The following MGLL variants were observed in gnomAD, a reference collection of about 807,000 sequenced individuals.
MGLL encodes the protein lysophospholipase homolog.
MGLL carries 7 observed loss-of-function variants against 29.1 expected under a neutral mutation model. The ratio of observed to expected loss-of-function variants is 0.24; its 90% confidence interval spans 0.14 to 0.45. The LOEUF is 0.45. Ranked by LOEUF, MGLL falls within the 20% of genes least tolerant of loss-of-function variation. The probability of loss-of-function intolerance (pLI) is 0.99; values close to 1 mark genes in which losing one functional copy is unlikely to be tolerated. For missense variants in MGLL, 356 were observed against 413.6 expected (o/e 0.86, Z 1.21); for synonymous variants, 148 against 168.3 (o/e 0.88, Z 0.93).
chr3:127,733,104 A>G (rs968063610), intron 3 of MGLL, among the ~76,000 whole-genome samples: 4 of 152,182 alleles, frequency 2.6e-5, no homozygotes, highest in African/African-American at 9.7e-5. Flanking sequence ...TACAGGCCAT[A>G]AAGACCTTGC....
intron 3 of MGLL, among the ~76,000 whole-genome samples, chr3:127,766,007 C>T (rs1162906981): frequency 6.6e-6 from 1 of 152,134 alleles, no homozygotes; most frequent in African/African-American, 2.4e-5. Flanking sequence ...TTAATCTTCG[C>T]CAGGTAGATA....
chr3:127,787,402 C>G lies in MGLL; in HGVS notation c.156-5507G>C, dbSNP rs563938569. 7.9e-5 allele frequency among the ~76,000 whole-genome samples: 12 copies of G among 152,304 alleles called. 1 individual carries two copies. The South Asian group carries it at 2.1e-3, about 26-fold the overall frequency. On this transcript the variant is annotated intron_variant, in intron 2 of 7. Coordinates refer to ENST00000265052, the MANE Select transcript of MGLL (RefSeq NM_007283.7). ...GCCAAGAGAATTAAACGGACAGTCC[C>G]CTAGAGCACGTGGAACGGCTGGCAG...
At chr3:127,757,974 T>C (rs976856066) in intron 3 of MGLL, among the ~76,000 whole-genome samples, 3 of 152,176 alleles carry the variant, frequency 2.0e-5, no homozygotes, top group African/African-American at 7.2e-5. Flanking sequence ...TCTGTTCCTG[T>C]TTTATAGAGG....
rs750799501 is a variant in MGLL, at chr3:127,761,601, G to A, written c.262+20188C>T. 2.6e-5 allele frequency among the ~76,000 whole-genome samples: 4 copies of A among 152,226 alleles called. No homozygotes were observed. Reference sequence around the variant, plus strand: ...TCCACGTGTTCCCCTAAGCGACTGGGCTACACCAGTCCACCACAAAGGTAC... The same window carrying A: ...TCCACGTGTTCCCCTAAGCGACTGGACTACACCAGTCCACCACAAAGGTAC... On this transcript the variant is annotated intron_variant, in intron 3 of 7. Coordinates refer to ENST00000265052, the MANE Select transcript of MGLL (RefSeq NM_007283.7). The surrounding 1 kb of genome is among the most constrained non-coding windows in gnomAD (Gnocchi z 4.6).
intron 2 of MGLL, among the ~76,000 whole-genome samples, chr3:127,803,192 C>A (rs1282244737): frequency 3.3e-5 from 5 of 152,168 alleles, no homozygotes; most frequent in African/African-American, 4.8e-5. Context: ...GTTGGCCAGG[C>A]TGGTCTCGAA....
intron 2 of MGLL, among the ~76,000 whole-genome samples, chr3:127,813,601 G>A (rs1044275511): frequency 3.3e-5 from 5 of 152,164 alleles, no homozygotes; most frequent in Admixed American, 6.5e-5. Context: ...CAGAAGCAAC[G>A]TGTGATCAGG....
intron 2 of MGLL, among the ~76,000 whole-genome samples, chr3:127,798,456 C>T (rs1436280094): frequency 6.6e-6 from 1 of 152,176 alleles, no homozygotes; most frequent in Non-Finnish European, 1.5e-5. Flanking sequence ...GTGGCCCCTG[C>T]CTGTCCTCTT....
intron 5 of MGLL, chr3:127,713,836 C>A (rs1183938743): frequency 6.6e-6 from 1 of 152,296 alleles, no homozygotes; most frequent in Admixed American, 6.5e-5. Context: ...AAGGCCTCTA[C>A]TTCCAGGCTC....
chr3:127,697,143 C>T (rs903440432), intron 6 of MGLL, among the ~76,000 whole-genome samples: 2 of 152,174 alleles, frequency 1.3e-5, no homozygotes, highest in African/African-American at 2.4e-5. Context: ...TGAGAGGACA[C>T]GGGACTGGCA....
chr3:127,736,109 G>T (rs754124855), intron 3 of MGLL: 84 of 1,166,060 alleles, frequency 7.2e-5, no homozygotes, highest in Non-Finnish European at 8.8e-5. Context: ...TAGTTCCATT[G>T]TTTGGAGCTC....
At chr3:127,704,720 T>G (rs546580582) in intron 6 of MGLL, among the ~76,000 whole-genome samples, 10 of 152,118 alleles carry the variant, frequency 6.6e-5, no homozygotes, top group Non-Finnish European at 1.5e-4. Flanking sequence ...AGAATGGTGA[T>G]CATTAAAAAG....
chr3:127,702,692 C>CTGTT (rs748870704), intron 6 of MGLL, among the ~76,000 whole-genome samples: 14 of 152,212 alleles, frequency 9.2e-5, no homozygotes, highest in African/African-American at 3.1e-4. Flanking sequence ...ATCCTGGCAT[C>CTGTT]TGTTTGTTTG....
intron 3 of MGLL, among the ~76,000 whole-genome samples, chr3:127,778,141 T>G (rs775206059): frequency 1.3e-5 from 2 of 152,236 alleles, no homozygotes; most frequent in African/African-American, 2.4e-5. Flanking sequence ...CCCATGGTAG[T>G]AAAATCAGTT....
intron 5 of MGLL, chr3:127,713,329 G>A (rs1415596362): frequency 6.6e-6 from 1 of 152,222 alleles, no homozygotes; most frequent in Non-Finnish European, 1.5e-5. Flanking sequence ...AGGAGACATG[G>A]GGCTGCCAGC....
intron 3 of MGLL, among the ~76,000 whole-genome samples, chr3:127,771,193 A>C (rs2076941873): frequency 1.3e-5 from 2 of 152,058 alleles, no homozygotes; most frequent in African/African-American, 2.4e-5. Context: ...TTACCCTCCC[A>C]ATCCTGCCTC....
At chr3:127,811,670 T>G (rs1239509379) in intron 2 of MGLL, among the ~76,000 whole-genome samples, 1 of 152,222 alleles carries the variant, frequency 6.6e-6, no homozygotes, top group Non-Finnish European at 1.5e-5. Flanking sequence ...TCAAAAGCAC[T>G]TGCATACTGG....
chr3:127,709,849 C>T (rs2075675683), intron 6 of MGLL, among the ~76,000 whole-genome samples: 1 of 152,202 alleles, frequency 6.6e-6, no homozygotes, highest in African/African-American at 2.4e-5. Flanking sequence ...CTAGCCTCAC[C>T]ACTGGCTGAC....
At chr3:127,742,232 T>G (rs1285351919) in intron 3 of MGLL, among the ~76,000 whole-genome samples, 1 of 152,206 alleles carries the variant, frequency 6.6e-6, no homozygotes, top group Non-Finnish European at 1.5e-5. Context: ...AAAATGTCCT[T>G]ATTATATAAT....
intron 3 of MGLL, among the ~76,000 whole-genome samples, chr3:127,749,250 G>A (rs1286762941): frequency 2.6e-5 from 4 of 152,142 alleles, no homozygotes; most frequent in African/African-American, 7.2e-5. Flanking sequence ...ATTAGTGACT[G>A]TCTTGACTTT....
Sources: gnomAD v4.1 joint callset for allele counts (sites outside exome capture counted in the v4.1 genomes callset) on GRCh38, gnomAD v4.1.1 for gene constraint, Gnocchi (gnomAD v3.1) non-coding constraint, MANE v1.5 for transcripts, NCBI Gene and HGNC (gene_info 2026-07-23, HGNC 2026-07-21) for gene names.